The following CARNMT1 variants were observed in gnomAD, a reference collection of about 807,000 sequenced individuals.
CARNMT1 encodes the protein carnosine N-methyltransferase 1, also known as protein-L-histidine N-pros-methyltransferase CARNMT1.
A neutral mutation model predicts 49.6 loss-of-function variants in CARNMT1; 28 were observed. The observed-to-expected ratio is 0.56, with a 90% CI of 0.42 to 0.77. The LOEUF (loss-of-function observed/expected upper bound fraction) is 0.77, where lower values mean the gene tolerates loss of function less well. Among genes scored for constraint, CARNMT1 ranks in the 30% least tolerant of loss-of-function variants. CARNMT1 has a pLI of 0.00. For missense variants in CARNMT1, 421 were observed against 512.6 expected (o/e 0.82, Z 1.73); for synonymous variants, 178 against 175.0 (o/e 1.02, Z -0.13).
intron 1 of CARNMT1, among the ~76,000 whole-genome samples, chr9:75,021,474 C>CTATA (rs113499792): frequency 0.25 from 35,660 of 143,888 alleles, 5,643 homozygotes; most frequent in Non-Finnish European, 0.36. Flanking sequence ...AATATATATA[C>CTATA]TATATATATA....
At chr9:74,999,912 A>T in intron 3 of CARNMT1, 42 bp from the exon 4 acceptor site, 1 of 1,557,928 alleles carries the variant, frequency 6.4e-7, no homozygotes, top group South Asian at 1.2e-5. Context: ...CCTCAAAGAA[A>T]AAAAGGAAAA....
chr9:75,024,460 T>A (rs1822467369), intron 1 of CARNMT1, among the ~76,000 whole-genome samples: 1 of 152,220 alleles, frequency 6.6e-6, no homozygotes, highest in African/African-American at 2.4e-5. Flanking sequence ...TTTCTAAAAG[T>A]AAGAAGTTTC....
At position 74,981,057 on chromosome 9, in the gene CARNMT1, A is replaced by G. The variant is rs981890503; in HGVS notation, c.*2710T>C. On this transcript the variant is annotated 3_prime_UTR_variant, in exon 8 of 8. Transcript: ENST00000376834. ...TGGCAGACTTTAATATTCAAGAAAA[A>G]TTAATTTCATCATACACATTAAAAA... 1.3e-5 allele frequency: 2 copies of G among 152,160 alleles called. No homozygotes were observed. Among genetic ancestry groups the G allele is most frequent in the Non-Finnish European group, 2.9e-5 (2 of 67,986 alleles). The allele number at this position is 152,160 out of a possible 1,614,324, so 9.4% of individuals were successfully genotyped here. A position where few individuals can be genotyped will look rare whatever the true frequency, so the allele number is the denominator to read the frequency against.
At chr9:74,991,474 T>C (rs1308651476) in intron 6 of CARNMT1, 1 of 152,256 alleles carries the variant, frequency 6.6e-6, no homozygotes, top group African/African-American at 2.4e-5. Flanking sequence ...GGGTAGGGGT[T>C]GGAGATGGCT....
chr9:75,018,476 A>C (rs1833913574), intron 1 of CARNMT1, among the ~76,000 whole-genome samples: 1 of 152,200 alleles, frequency 6.6e-6, no homozygotes, highest in African/African-American at 2.4e-5. Context: ...TGATTGGTGA[A>C]AATATGGTGT....
chr9:75,008,276 G>A (rs1833580451), intron 3 of CARNMT1, among the ~76,000 whole-genome samples: 1 of 151,298 alleles, frequency 6.6e-6, no homozygotes, highest in African/African-American at 2.4e-5. Context: ...GCAGCCCACT[G>A]GCCACGGGTT....
intron 6 of CARNMT1, 126 bp from the exon 7 acceptor site, chr9:74,985,136 T>A (rs1201748415): frequency 2.9e-6 from 2 of 695,074 alleles, no homozygotes; most frequent in African/African-American, 3.6e-5. Context: ...GGGCATTTGC[T>A]GAAAATGCCC....
At chr9:75,021,642 G>C (rs2118871229) in intron 1 of CARNMT1, among the ~76,000 whole-genome samples, 1 of 151,458 alleles carries the variant, frequency 6.6e-6, no homozygotes, top group African/African-American at 2.4e-5. Flanking sequence ...TTTCCGTTTT[G>C]CTTAACACAA....
intron 6 of CARNMT1, among the ~76,000 whole-genome samples, chr9:74,985,833 G>C (rs528174746): frequency 6.6e-6 from 1 of 152,136 alleles, no homozygotes; most frequent in East Asian, 1.9e-4. Flanking sequence ...ACCAGCCTTG[G>C]CCTCCCAAAG....
At chr9:75,028,383 G>A, upstream of CARNMT1, 1 of 1,297,884 alleles carries the variant, frequency 7.7e-7, no homozygotes, top group South Asian at 2.4e-5. Flanking sequence ...CCACCCTCAG[G>A]CCTCCATCCG....
intron 4 of CARNMT1, 40 bp downstream of exon 4, chr9:74,999,690 C>T: frequency 6.4e-7 from 1 of 1,565,690 alleles, no homozygotes; most frequent in Non-Finnish European, 8.7e-7. Context: ...CAATCTGATT[C>T]TGAGAAATTA....
chr9:74,982,672 T>G lies in CARNMT1; in HGVS notation c.*1095A>C, dbSNP rs1832719224. 6.6e-6 allele frequency: 1 copy of G among 152,192 alleles called. No individual in the cohort carries two copies. Among genetic ancestry groups the G allele is most frequent in the South Asian group, 2.1e-4 (1 of 4,830 alleles). 9.4% of individuals were successfully genotyped at this position (152,192 alleles called of 1,614,324 possible). On this transcript the variant is annotated 3_prime_UTR_variant, in exon 8 of 8. Coordinates refer to ENST00000376834, the MANE Select transcript of CARNMT1 (RefSeq NM_152420.3). ...CAGTTTTTCCTAGTATATAATTTTT[T>G]TAATGAAAAAAGTGCTTGCTTTCAT...
intron 6 of CARNMT1, among the ~76,000 whole-genome samples, chr9:74,988,562 T>C (rs1832919189): frequency 6.6e-6 from 1 of 152,226 alleles, no homozygotes; most frequent in Non-Finnish European, 1.5e-5. Flanking sequence ...GCTGAGTATG[T>C]CTGTCCATTT....
chr9:75,008,184 A>C (rs1263197191), intron 3 of CARNMT1, among the ~76,000 whole-genome samples: 5 of 151,128 alleles, frequency 3.3e-5, no homozygotes, highest in Admixed American at 1.3e-4. Flanking sequence ...AAAAAAAAAA[A>C]AAAAAAAAAA....
Position 75,016,417 on chromosome 9 carries a change from A to C in CARNMT1, c.441T>G (p.Ile147Met). 1 of 1,613,720 alleles carries C rather than the reference A, an allele frequency of 6.2e-7. No homozygotes were observed. Among genetic ancestry groups the C allele is most frequent in the Non-Finnish European group, 8.5e-7 (1 of 1,179,926 alleles). ...CCATGTCAAATGTAGATGCTGGCAT[A>C]ATCTTTCCATTCCCCTGTTTAAAAA... ...KEYGEDGNGK[I>M]MPASTFDMDK... The change falls in exon 3 of 8, where the codon ATT becomes ATG. Residue 147 changes from isoleucine to methionine, a missense_variant. By Grantham distance (10) the Ile-to-Met change is conservative. This residue lies in a region of CARNMT1 where 235 missense variants were observed against 344.8 expected (regional missense o/e 0.68). Transcript: ENST00000376834.
At chr9:75,010,266 G>A (rs1833648029) in intron 3 of CARNMT1, 1 of 151,836 alleles carries the variant, frequency 6.6e-6, no homozygotes, top group African/African-American at 2.4e-5. Context: ...TGGGATTATA[G>A]GTGCCCACCA....
intron 1 of CARNMT1, among the ~76,000 whole-genome samples, chr9:75,024,899 A>T (rs547570849): frequency 5.0e-4 from 76 of 152,336 alleles, no homozygotes; most frequent in African/African-American, 1.8e-3. Context: ...AGCCGTACCA[A>T]TAACATAAAC....
At chr9:74,999,952 TACTC>T in intron 3 of CARNMT1, 82 bp from the exon 4 acceptor site, 1 of 1,243,726 alleles carries the variant, frequency 8.0e-7, no homozygotes, top group African/African-American at 1.5e-5. Flanking sequence ...ACTAAAAACT[TACTC>T]ATTTACTCAA....
At chr9:74,990,075 G>T (rs1357951189) in intron 6 of CARNMT1, among the ~76,000 whole-genome samples, 1 of 152,220 alleles carries the variant, frequency 6.6e-6, no homozygotes, top group Admixed American at 6.5e-5. Flanking sequence ...GAGGAAGTAT[G>T]TGAAGAAATA....
Sources: gnomAD v4.1 joint callset for allele counts (sites outside exome capture counted in the v4.1 genomes callset) on GRCh38, gnomAD v4.1.1 for gene constraint, gnomAD v4.1.1 regional missense constraint, MANE v1.5 for transcripts, NCBI Gene and HGNC (gene_info 2026-07-23, HGNC 2026-07-21) for gene names.